LRIG1: variants seen among roughly 807,000 people sequenced by gnomAD.
LRIG1 encodes leucine-rich repeats and immunoglobulin-like domains protein 1.
Under a neutral mutation model 99.2 loss-of-function variants are expected in LRIG1, and 48 were observed. The ratio of observed to expected loss-of-function variants is 0.48; its 90% CI spans 0.38 to 0.62. The LOEUF (loss-of-function observed/expected upper bound fraction) is 0.62. Ranked by LOEUF, LRIG1 falls within the 20% of genes least tolerant of loss-of-function variation. LRIG1 has a pLI of 0.00. For missense variants in LRIG1, 1,646 were observed against 1,434.4 expected (o/e 1.15, Z -2.38); for synonymous variants, 772 against 596.1 (o/e 1.29, Z -4.30).
intron 15 of LRIG1, among the ~76,000 whole-genome samples, chr3:66,382,766 C>G (rs1438379491): frequency 3.3e-5 from 5 of 152,082 alleles, no homozygotes; most frequent in Non-Finnish European, 7.4e-5. Flanking sequence ...GCGTCAGTTA[C>G]TTGTATTTGT....
intron 3 of LRIG1, among the ~76,000 whole-genome samples, chr3:66,448,074 A>G (rs1193371188): frequency 1.3e-5 from 2 of 152,246 alleles, no homozygotes; most frequent in African/African-American, 4.8e-5. Context: ...TGGCTCCGGC[A>G]TTATCCTCAG....
At chr3:66,428,440 T>C (rs1016829004) in intron 3 of LRIG1, among the ~76,000 whole-genome samples, 11 of 152,158 alleles carry the variant, frequency 7.2e-5, no homozygotes, top group East Asian at 3.9e-4. Context: ...AGGTGTCCAG[T>C]AGAATTTTTT....
intron 6 of LRIG1, 133 bp from the exon 7 acceptor site, chr3:66,410,405 G>T (rs954415616): frequency 1.3e-6 from 1 of 798,134 alleles, no homozygotes; most frequent in South Asian, 1.9e-5. Flanking sequence ...CAGAACTGTG[G>T]AGTCTAGTCG....
intron 1 of LRIG1, among the ~76,000 whole-genome samples, chr3:66,470,326 G>A (rs536656095): frequency 6.6e-6 from 1 of 152,324 alleles, no homozygotes; most frequent in East Asian, 1.9e-4. Context: ...GAGCAGGAAA[G>A]ATCAGCTGTA....
intron 3 of LRIG1, among the ~76,000 whole-genome samples, chr3:66,421,550 CA>C (rs1702811390): frequency 6.6e-6 from 1 of 152,234 alleles, no homozygotes; most frequent in Admixed American, 6.5e-5. Flanking sequence ...GGGAAAGCTC[CA>C]CCCCTATGGC....
intron 9 of LRIG1, chr3:66,401,719 G>A (rs1296120507): frequency 2.8e-6 from 4 of 1,408,184 alleles, no homozygotes; most frequent in Middle Eastern, 1.8e-4. Flanking sequence ...TTATGGGCTG[G>A]GAGGACACTA....
At chr3:66,399,559 G>A (rs542017652) in intron 9 of LRIG1, among the ~76,000 whole-genome samples, 243 of 152,274 alleles carry the variant, frequency 1.6e-3, no homozygotes, top group Non-Finnish European at 2.6e-3. Flanking sequence ...GATCACTTGA[G>A]CCCAAGAGTT....
At chr3:66,434,903 C>G (rs1220128305) in intron 3 of LRIG1, among the ~76,000 whole-genome samples, 2 of 152,100 alleles carry the variant, frequency 1.3e-5, no homozygotes, top group Non-Finnish European at 2.9e-5. Flanking sequence ...CATGCAACTC[C>G]CATATGACCT....
chr3:66,404,511 CT>C, intron 9 of LRIG1: 1 of 898,176 alleles, frequency 1.1e-6, no homozygotes, highest in Non-Finnish European at 1.4e-6. Context: ...GGAACGTGGG[CT>C]TTGGAGCCAA....
rs115316518 is a variant in LRIG1, at chr3:66,457,580, G to A, written c.290+4858C>T. On this transcript the variant is annotated intron_variant, in intron 2 of 18. Transcript: ENST00000273261. Reference sequence around the variant, plus strand: ...ATAATATTCAGTGAGCCTCTCGCATGTGCAAGGCCCTGTGCATCATCTTAA... The same window carrying A: ...ATAATATTCAGTGAGCCTCTCGCATATGCAAGGCCCTGTGCATCATCTTAA... Among the ~76,000 whole-genome samples the A allele has an allele frequency of 1.7e-3, 262 of 152,354 alleles. 1 individual carries two copies. Among genetic ancestry groups the A allele is most frequent in the African/African-American group, 6.0e-3 (250 of 41,580 alleles).
chr3:66,465,920 A>C (rs1700463284), intron 1 of LRIG1, among the ~76,000 whole-genome samples: 1 of 152,128 alleles, frequency 6.6e-6, no homozygotes. Flanking sequence ...TAAGAATCTG[A>C]CTACTCTTAA....
intron 4 of LRIG1, among the ~76,000 whole-genome samples, 180 bp downstream of exon 4, chr3:66,416,949 T>C (rs1702633089): frequency 6.6e-6 from 1 of 152,274 alleles, no homozygotes; most frequent in African/African-American, 2.4e-5. Flanking sequence ...ACGTGCTCTA[T>C]GCATGGGGCT....
At chr3:66,438,558 C>T (rs199946420) in intron 3 of LRIG1, among the ~76,000 whole-genome samples, 1 of 152,274 alleles carries the variant, frequency 6.6e-6, no homozygotes, top group East Asian at 1.9e-4. Flanking sequence ...AGCCAAGTGC[C>T]CTGACACTCG....
chr3:66,416,172 C>T (rs553085910), intron 4 of LRIG1, among the ~76,000 whole-genome samples: 1 of 152,296 alleles, frequency 6.6e-6, no homozygotes, highest in East Asian at 1.9e-4. Context: ...GTTTCTCTGT[C>T]CCAAGCAAAG....
chr3:66,433,581 A>T (rs1023437526), intron 3 of LRIG1, among the ~76,000 whole-genome samples: 6 of 152,234 alleles, frequency 3.9e-5, no homozygotes, highest in African/African-American at 9.6e-5. Flanking sequence ...TTAAAAATAA[A>T]ACCAGGCCTG....
At chr3:66,482,136 C>G (rs1391107065) in intron 1 of LRIG1, among the ~76,000 whole-genome samples, 1 of 152,238 alleles carries the variant, frequency 6.6e-6, no homozygotes, top group African/African-American at 2.4e-5. Flanking sequence ...TGCAGCAGTA[C>G]AGGATCAACA....
chr3:66,485,025 G>A (rs1019203621), intron 1 of LRIG1, among the ~76,000 whole-genome samples: 30 of 152,046 alleles, frequency 2.0e-4, no homozygotes, highest in African/African-American at 7.2e-4. Flanking sequence ...AGGCATGGTG[G>A]TGCACACCTG....
chr3:66,462,750 T>C (rs114839769), intron 1 of LRIG1, among the ~76,000 whole-genome samples: 4 of 152,284 alleles, frequency 2.6e-5, no homozygotes, highest in African/African-American at 9.6e-5. Flanking sequence ...TCAGTATCAT[T>C]TCACTATTTA....
Position 66,383,200 on chromosome 3 carries a change from G to A in LRIG1, c.2273C>T (p.Ala758Val), listed in dbSNP as rs146697512. Residue 758 changes from alanine (A) to valine (V), a missense_variant, in exon 15 of 19, where the codon GCG becomes GTG. Physicochemically the swap from Ala to Val is moderately conservative, Grantham distance 64. Transcript: ENST00000273261. ...GGACATCTCACAGGTATATCGGCCC[G>A]CATCCTCTGCCACCACGTTCTGAAC... ...LVVQNVVAED[A>V]GRYTCEMSNT... 2.6e-5 allele frequency: 42 copies of A among 1,614,104 alleles called. No individual in the cohort carries two copies. The highest frequency in any genetic ancestry group is 1.9e-5 in the Non-Finnish European group (22 of 1,180,054).
Sources: allele counts gnomAD v4.1 joint callset (sites outside exome capture counted in the v4.1 genomes callset), GRCh38; gene constraint gnomAD v4.1.1; transcripts MANE v1.5; gene names NCBI Gene and HGNC (gene_info 2026-07-23, HGNC 2026-07-21).